The following GRIK4 variants were observed in gnomAD, a reference collection of about 807,000 sequenced individuals.
GRIK4 encodes glutamate ionotropic receptor kainate type subunit 4.
GRIK4 carries 40 observed loss-of-function variants against 104.9 expected under a neutral mutation model. That is an observed-to-expected ratio of 0.38 (90% CI 0.30 to 0.50). The LOEUF (loss-of-function observed/expected upper bound fraction) is 0.50. GRIK4 is among the 20% of genes least tolerant of loss of function. The pLI is 0.93. For missense variants in GRIK4, 1,047 were observed against 1,308.1 expected (o/e 0.80, Z 3.08); for synonymous variants, 485 against 524.9 (o/e 0.92, Z 1.04).
intron 19 of GRIK4, among the ~76,000 whole-genome samples, chr11:120,968,106 T>C (rs1944415447): frequency 6.6e-6 from 1 of 152,212 alleles, no homozygotes; most frequent in Non-Finnish European, 1.5e-5. Context: ...CATGTGGATA[T>C]TTTATCGAAA....
At chr11:120,833,503 C>A (rs1434641972) in intron 7 of GRIK4, among the ~76,000 whole-genome samples, 1 of 152,140 alleles carries the variant, frequency 6.6e-6, no homozygotes, top group Non-Finnish European at 1.5e-5. Context: ...CCTCCACCAC[C>A]CTTGTGGAAG....
intron 3 of GRIK4, among the ~76,000 whole-genome samples, chr11:120,745,424 T>C (rs1182324292): frequency 6.6e-6 from 1 of 152,220 alleles, no homozygotes; most frequent in Non-Finnish European, 1.5e-5. Context: ...CCATATCAGT[T>C]CATATGCATC....
At chr11:120,738,547 C>G (rs1329213283) in intron 3 of GRIK4, among the ~76,000 whole-genome samples, 2 of 152,198 alleles carry the variant, frequency 1.3e-5, no homozygotes, top group Admixed American at 1.3e-4. Context: ...TCCCCCACCC[C>G]CTACCCACCC....
In GRIK4 at chr11:120,737,778, G is replaced by C. The variant is rs555451755; in HGVS notation, c.83-64915G>C. Reference sequence around the variant, plus strand: ...TGGAGAGGAGGTAGAGGCTACGGTTGGGATGAGGACATGGGGGGCTTTCTG... The same window carrying C: ...TGGAGAGGAGGTAGAGGCTACGGTTCGGATGAGGACATGGGGGGCTTTCTG... On this transcript the variant is annotated intron_variant, in intron 3 of 20. Transcript: ENST00000527524. 1.4e-4 allele frequency among the ~76,000 whole-genome samples: 22 copies of C among 152,220 alleles called. No individual in the cohort carries two copies. In the South Asian group the frequency reaches 4.4e-3, roughly 30 times the overall value.
chr11:120,642,418 A>G (rs768295512), intron 1 of GRIK4, among the ~76,000 whole-genome samples: 5 of 152,004 alleles, frequency 3.3e-5, no homozygotes, highest in Non-Finnish European at 5.9e-5. Context: ...AGATGCGGGT[A>G]TTAGAACCTG....
chr11:120,914,988 G>A (rs2134544811), intron 13 of GRIK4, among the ~76,000 whole-genome samples: 1 of 152,264 alleles, frequency 6.6e-6, no homozygotes, highest in East Asian at 1.9e-4. Flanking sequence ...ATTTGAGTCT[G>A]GGACCCAGTG....
At chr11:120,816,728 C>G (rs746045742) in intron 5 of GRIK4, among the ~76,000 whole-genome samples, 5 of 152,070 alleles carry the variant, frequency 3.3e-5, no homozygotes, top group African/African-American at 4.8e-5. Flanking sequence ...GGAGCCCACT[C>G]TCAGAATTGT....
intron 1 of GRIK4, among the ~76,000 whole-genome samples, chr11:120,530,611 G>A (rs1268223828): frequency 2.0e-5 from 3 of 152,200 alleles, no homozygotes; most frequent in African/African-American, 7.2e-5. Flanking sequence ...TTCCTGCAAA[G>A]TCCCAAACCT....
chr11:120,836,512 A>G (rs1264067523), intron 7 of GRIK4, among the ~76,000 whole-genome samples: 14 of 152,152 alleles, frequency 9.2e-5, no homozygotes, highest in Non-Finnish European at 2.1e-4. Context: ...GGCTATATCC[A>G]TGGGAGTATG....
At chr11:120,827,334 T>C (rs1168647536) in intron 6 of GRIK4, among the ~76,000 whole-genome samples, 1 of 152,132 alleles carries the variant, frequency 6.6e-6, no homozygotes, top group Non-Finnish European at 1.5e-5. Flanking sequence ...GCCTCCCTTC[T>C]TCCTCCCAGA....
chr11:120,836,985 G>T, intron 8 of GRIK4, 141 bp downstream of exon 8: 1 of 605,918 alleles, frequency 1.7e-6, no homozygotes, highest in Non-Finnish European at 2.9e-6. Flanking sequence ...GAGAGGCAGG[G>T]CGTCCTGGAA....
Position 120,524,654 on chromosome 11 carries a change from C to G in GRIK4, c.-159+12767C>G, listed in dbSNP as rs761790901. Among the ~76,000 whole-genome samples, 2 of 152,148 alleles carry G rather than the reference C, an allele frequency of 1.3e-5. No homozygotes were observed. Among genetic ancestry groups the G allele is most frequent in the Non-Finnish European group, 2.9e-5 (2 of 68,030 alleles). ...AAAGGTGGCGTTTGGGCTGACAGCG[C>G]TAACTTCTGGATCAGGCTGTGGGCA... On this transcript the variant is annotated intron_variant, in intron 1 of 20. Coordinates refer to ENST00000527524, the MANE Select transcript of GRIK4 (RefSeq NM_014619.5). This position sits in a 1 kb window ranked among gnomAD's most constrained non-coding sequence, Gnocchi z 4.5.
intron 1 of GRIK4, among the ~76,000 whole-genome samples, chr11:120,542,170 A>G (rs1435099038): frequency 1.3e-5 from 2 of 152,214 alleles, no homozygotes; most frequent in African/African-American, 4.8e-5. Flanking sequence ...TGGTCAACTA[A>G]TCTTCATCAG....
chr11:120,802,923 C>T (rs1172477033), intron 4 of GRIK4, 66 bp downstream of exon 4: 1 of 1,357,324 alleles, frequency 7.4e-7, no homozygotes, highest in African/African-American at 1.4e-5. Flanking sequence ...GTGGTGTGAG[C>T]TGCACCTATC....
At chr11:120,586,840 A>G (rs1948671814) in intron 1 of GRIK4, among the ~76,000 whole-genome samples, 1 of 152,138 alleles carries the variant, frequency 6.6e-6, no homozygotes, top group South Asian at 2.1e-4. Context: ...ATGTGTGGTT[A>G]GGATCAGGCC....
chr11:120,706,346 T>G (rs1398402489), intron 3 of GRIK4, among the ~76,000 whole-genome samples: 1 of 152,236 alleles, frequency 6.6e-6, no homozygotes, highest in African/African-American at 2.4e-5. Flanking sequence ...GACTCCTGGC[T>G]GATCCAGCCT....
chr11:120,818,965 T>G (rs1350364362), intron 5 of GRIK4, among the ~76,000 whole-genome samples: 1 of 152,174 alleles, frequency 6.6e-6, no homozygotes, highest in Non-Finnish European at 1.5e-5. Flanking sequence ...ACCTACCAAA[T>G]AGCCTAAGCC....
At chr11:120,517,012 T>C (rs1221040398) in intron 1 of GRIK4, among the ~76,000 whole-genome samples, 3 of 149,270 alleles carry the variant, frequency 2.0e-5, no homozygotes, top group African/African-American at 5.0e-5. Flanking sequence ...GCATCTCGCG[T>C]GCCTCAGTCT....
At chr11:120,886,755 A>G (rs1288639090) in intron 11 of GRIK4, among the ~76,000 whole-genome samples, 1 of 152,244 alleles carries the variant, frequency 6.6e-6, no homozygotes, top group East Asian at 1.9e-4. Context: ...GTTTTCCTAC[A>G]GTGGCCCTTT....
Sources: gnomAD v4.1 joint callset for allele counts (sites outside exome capture counted in the v4.1 genomes callset) on GRCh38, gnomAD v4.1.1 for gene constraint, Gnocchi (gnomAD v3.1) non-coding constraint, MANE v1.5 for transcripts, NCBI Gene and HGNC (gene_info 2026-07-23, HGNC 2026-07-21) for gene names.